The following THRB variants were observed in gnomAD, a reference collection of about 807,000 sequenced individuals.
THRB encodes thyroid hormone receptor beta.
THRB carries 12 observed loss-of-function variants against 47.8 expected under a neutral mutation model. The ratio of observed to expected loss-of-function variants is 0.25; its 90% confidence interval spans 0.16 to 0.41. THRB has a LOEUF of 0.41. Among genes scored for constraint, THRB ranks in the 10% least tolerant of loss-of-function variants. The pLI, the probability that THRB is intolerant of heterozygous loss-of-function variation, is 1.00. For synonymous variants in THRB, 218 were observed against 212.2 expected (o/e 1.03, Z -0.24); for missense variants, 348 against 589.2 (o/e 0.59, Z 4.24).
At chr3:24,339,430 C>T (rs1576963530) in intron 1 of THRB, among the ~76,000 whole-genome samples, 1 of 152,048 alleles carries the variant, frequency 6.6e-6, no homozygotes, top group African/African-American at 2.4e-5. Context: ...AAGCATTTTG[C>T]CCAAAGTCAA....
chr3:24,484,006 C>T (rs1486565748), intron 1 of THRB: 1 of 152,212 alleles, frequency 6.6e-6, no homozygotes, highest in Non-Finnish European at 1.5e-5. Context: ...TTTCTGGTTC[C>T]CCTTTCAGCG....
intron 2 of THRB, among the ~76,000 whole-genome samples, chr3:24,320,761 A>G (rs9814223): frequency 0.32 from 48,840 of 152,034 alleles, 9,741 homozygotes; most frequent in African/African-American, 0.55. Context: ...CAGTCCCTCA[A>G]GAAGTGACTC....
intron 1 of THRB, among the ~76,000 whole-genome samples, chr3:24,338,111 CAG>C (rs2062385232): frequency 6.6e-6 from 1 of 152,156 alleles, no homozygotes; most frequent in Admixed American, 6.5e-5. Flanking sequence ...TTTAGAAAAA[CAG>C]AGGTTAGCAG....
At chr3:24,255,789 T>C (rs544668912) in intron 3 of THRB, among the ~76,000 whole-genome samples, 3 of 152,336 alleles carry the variant, frequency 2.0e-5, no homozygotes, top group African/African-American at 7.2e-5. Context: ...CAGGGCCTTT[T>C]AGGCCATAGA....
At chr3:24,173,733 A>G (rs1487541653) in intron 5 of THRB, among the ~76,000 whole-genome samples, 1 of 152,202 alleles carries the variant, frequency 6.6e-6, no homozygotes, top group African/African-American at 2.4e-5. Context: ...ACAATTGGCC[A>G]TAACTTTGGT....
chr3:24,145,442 T>G (rs550617505), intron 7 of THRB, among the ~76,000 whole-genome samples: 3 of 152,170 alleles, frequency 2.0e-5, no homozygotes, highest in Non-Finnish European at 4.4e-5. Context: ...AACTTCTCAA[T>G]AGAACACTGA....
At chr3:24,223,858 A>G (rs1422976669) in intron 4 of THRB, among the ~76,000 whole-genome samples, 1 of 151,970 alleles carries the variant, frequency 6.6e-6, no homozygotes, top group Non-Finnish European at 1.5e-5. Flanking sequence ...TTAAGTTATA[A>G]AAGGTGAAGT....
At chr3:24,227,724 G>C (rs1018632443) in intron 4 of THRB, among the ~76,000 whole-genome samples, 3 of 152,122 alleles carry the variant, frequency 2.0e-5, no homozygotes, top group Admixed American at 1.3e-4. Context: ...TAAGTTCTTG[G>C]AGCAATTTGT....
At chr3:24,429,325 A>G (rs1406438841) in intron 1 of THRB, among the ~76,000 whole-genome samples, 1 of 150,992 alleles carries the variant, frequency 6.6e-6, no homozygotes, top group Non-Finnish European at 1.5e-5. Context: ...AATATAACAT[A>G]TATTATATGT....
chr3:24,350,923 T>A (rs2063321378), intron 1 of THRB, among the ~76,000 whole-genome samples: 1 of 152,184 alleles, frequency 6.6e-6, no homozygotes, highest in African/African-American at 2.4e-5. Flanking sequence ...ACCTACAGCT[T>A]ACATCAGGGA....
chr3:24,240,494 T>C (rs2049377545), intron 3 of THRB, among the ~76,000 whole-genome samples: 1 of 152,214 alleles, frequency 6.6e-6, no homozygotes, highest in Non-Finnish European at 1.5e-5. Context: ...GCTGGCTAGA[T>C]ACTGAACACT....
At chr3:24,478,600 G>A (rs1388541123) in intron 1 of THRB, among the ~76,000 whole-genome samples, 1 of 135,822 alleles carries the variant, frequency 7.4e-6, no homozygotes, top group Non-Finnish European at 1.6e-5. Context: ...GGAAGAGAGG[G>A]GAGAAGGATA....
chr3:24,140,637 G>T (rs1380556367), intron 8 of THRB, among the ~76,000 whole-genome samples: 1 of 152,054 alleles, frequency 6.6e-6, no homozygotes, highest in South Asian at 2.1e-4. Flanking sequence ...CTCCCCCAAG[G>T]TACCCAAGTG....
intron 2 of THRB, among the ~76,000 whole-genome samples, chr3:24,300,386 A>G (rs1201158624): frequency 6.6e-6 from 1 of 152,204 alleles, no homozygotes; most frequent in Non-Finnish European, 1.5e-5. Context: ...CTATGCATAC[A>G]GTATATAATA....
intron 3 of THRB, among the ~76,000 whole-genome samples, chr3:24,291,851 C>T (rs1203474025): frequency 1.3e-5 from 2 of 152,092 alleles, no homozygotes; most frequent in South Asian, 2.1e-4. Context: ...TGCCTTTTGA[C>T]ACTGTGATTC....
chr3:24,285,346 A>T (rs2055155907), intron 3 of THRB, among the ~76,000 whole-genome samples: 2 of 149,904 alleles, frequency 1.3e-5, no homozygotes, highest in South Asian at 4.3e-4. Flanking sequence ...AAAACCAAAC[A>T]CCGCATATTC....
At chr3:24,292,743 G>A (rs1342270205) in intron 3 of THRB, among the ~76,000 whole-genome samples, 1 of 152,172 alleles carries the variant, frequency 6.6e-6, no homozygotes, top group African/African-American at 2.4e-5. Flanking sequence ...AAATGTTAGA[G>A]TTAAGAAAAT....
chr3:24,229,422 T>C (rs1401847121), intron 3 of THRB, among the ~76,000 whole-genome samples: 2 of 152,164 alleles, frequency 1.3e-5, no homozygotes, highest in African/African-American at 4.8e-5. Context: ...AATTTGGGCA[T>C]CCCCTCAGTC....
chr3:24,320,245 T>C (rs1012553663), intron 2 of THRB, among the ~76,000 whole-genome samples: 1 of 152,236 alleles, frequency 6.6e-6, no homozygotes, highest in African/African-American at 2.4e-5. Flanking sequence ...AAGCCTGCTG[T>C]GTCTGCTATG....
Sources: gnomAD v4.1 joint callset for allele counts (sites outside exome capture counted in the v4.1 genomes callset) on GRCh38, gnomAD v4.1.1 for gene constraint, MANE v1.5 for transcripts, NCBI Gene and HGNC (gene_info 2026-07-23, HGNC 2026-07-21) for gene names.